The following LDB2 variants were observed in gnomAD, a reference collection of about 807,000 sequenced individuals.
LDB2 encodes LIM domain-binding protein 2.
Under a neutral mutation model 44.3 loss-of-function variants are expected in LDB2, and 12 were observed. The observed-to-expected ratio is 0.27, with a 90% CI of 0.17 to 0.44. The LOEUF (loss-of-function observed/expected upper bound fraction) is 0.44, where lower values mean the gene tolerates loss of function less well. Among genes scored for constraint, LDB2 ranks in the 20% least tolerant of loss-of-function variants. The pLI, the probability that LDB2 is intolerant of heterozygous loss-of-function variation, is 1.00. For missense variants in LDB2, 344 were observed against 473.5 expected (o/e 0.73, Z 2.54); for synonymous variants, 164 against 174.8 (o/e 0.94, Z 0.49).
chr4:16,786,551 T>G (rs1166808903), intron 1 of LDB2, among the ~76,000 whole-genome samples: 2 of 152,110 alleles, frequency 1.3e-5, no homozygotes, highest in Non-Finnish European at 2.9e-5. Context: ...TGCATAGTTT[T>G]TCAGTTTTCC....
intron 2 of LDB2, among the ~76,000 whole-genome samples, chr4:16,642,800 G>A (rs1388285508): frequency 6.6e-6 from 1 of 152,100 alleles, no homozygotes; most frequent in African/African-American, 2.4e-5. Context: ...ATGACCACGG[G>A]TAACTGCCAC....
rs183066994 is a variant in LDB2 at position 16,588,573 on chromosome 4, C to T, written c.531+137G>A. On this transcript the variant is annotated intron_variant, in intron 4 of 7. Transcript: ENST00000304523. ...GATTAAAACCGTTGAGAACAAAACT[C>T]AATATTTAGAGTTAATTACCTAAAG... The T allele has an allele frequency of 2.2e-4, 184 of 855,210 alleles. No homozygotes were observed. In the African/African-American group the frequency reaches 2.8e-3, roughly 13 times the overall value. 53.0% of individuals were successfully genotyped at this position (855,210 alleles called of 1,614,324 possible).
intron 5 of LDB2, among the ~76,000 whole-genome samples, chr4:16,583,754 A>G (rs913488978): frequency 6.6e-6 from 1 of 152,102 alleles, no homozygotes; most frequent in South Asian, 2.1e-4. Context: ...CGTCAGCCCG[A>G]AGGATTTGTG....
chr4:16,502,692 G>A lies in LDB2; in HGVS notation c.1073C>T (p.Ala358Val). 1.2e-6 allele frequency: 2 copies of A among 1,613,854 alleles called. No individual in the cohort carries two copies. Among genetic ancestry groups the A allele is most frequent in the South Asian group, 1.1e-5 (1 of 91,082 alleles). ...NNSPWNSKPPATQETKSENPP... is the reference protein window; with the variant it reads ...NNSPWNSKPPVTQETKSENPP... ...GTTTTCTGATTTGGTCTCTTGAGTG[G>A]CGGGAGGTTTACTGTTCCACGGGCT... Residue 358 changes from alanine (A) to valine (V), a missense_variant, in exon 8 of 8, where the codon GCC (alanine) becomes GTC (valine). Physicochemically the swap from Ala to Val is moderately conservative, Grantham distance 64. Coordinates refer to ENST00000304523, the MANE Select transcript of LDB2 (RefSeq NM_001290.5).
chr4:16,529,020 A>G (rs975312497), intron 5 of LDB2, among the ~76,000 whole-genome samples: 4 of 152,156 alleles, frequency 2.6e-5, no homozygotes, highest in African/African-American at 9.7e-5. Context: ...TGATGACTAT[A>G]AAACTCTTTT....
intron 2 of LDB2, among the ~76,000 whole-genome samples, chr4:16,708,620 A>G (rs186322953): frequency 2.0e-4 from 31 of 152,306 alleles, no homozygotes; most frequent in African/African-American, 7.5e-4. Flanking sequence ...CTAGACTGTT[A>G]ATATGGAGCT....
chr4:16,577,692 A>G (rs1011114996), intron 5 of LDB2, among the ~76,000 whole-genome samples: 1 of 152,170 alleles, frequency 6.6e-6, no homozygotes, highest in African/African-American at 2.4e-5. Context: ...AATACCAATG[A>G]CATTCTTCAC....
intron 1 of LDB2, among the ~76,000 whole-genome samples, chr4:16,796,599 A>G (rs2109683264): frequency 6.6e-6 from 1 of 152,212 alleles, no homozygotes; most frequent in East Asian, 1.9e-4. Context: ...GAGCCTCCCT[A>G]CCCCTTAAGC....
intron 2 of LDB2, among the ~76,000 whole-genome samples, chr4:16,728,397 A>T (rs547872529): frequency 6.6e-6 from 1 of 152,292 alleles, no homozygotes; most frequent in South Asian, 2.1e-4. Context: ...TGAGATAGCT[A>T]GATTAGCTAG....
At position 16,659,689 on chromosome 4, in the gene LDB2, A is replaced by ATATATATATATATATATATATG. The variant is rs1310756163; in HGVS notation, c.236-63815_236-63814insCATATATATATATATATATATA. On this transcript the variant is annotated intron_variant, in intron 2 of 7. Coordinates refer to ENST00000304523, the MANE Select transcript of LDB2 (RefSeq NM_001290.5). Reference sequence around the variant, plus strand: ...TATGTGTGTATATATATATATATATATATGTATGTATGTATATATGTAACA... The same window carrying ATATATATATATATATATATATG: ...TATGTGTGTATATATATATATATATATATATATATATATATATATATGTATGTATGTATGTATATATGTAACA... Among the ~76,000 whole-genome samples the ATATATATATATATATATATATG allele has an allele frequency of 5.2e-3, 736 of 140,220 alleles. 6 individuals carry two copies. The highest frequency in any genetic ancestry group is 7.8e-3 in the Non-Finnish European group (501 of 64,308). The allele number at this position is 140,220 out of a possible 152,430, so 92.0% of individuals were successfully genotyped here. A position where few individuals can be genotyped will look rare whatever the true frequency, so the allele number is the denominator to read the frequency against.
chr4:16,510,661 A>G (rs73115979), intron 6 of LDB2, among the ~76,000 whole-genome samples: 3,244 of 152,230 alleles, frequency 0.021, 109 homozygotes, highest in African/African-American at 0.074. Context: ...GTCCTCCTTC[A>G]TTTGTTAGCC....
In LDB2 at chr4:16,558,842, T is replaced by G. The variant is rs1740866517; in HGVS notation, c.615+27080A>C. Among the ~76,000 whole-genome samples the G allele has an allele frequency of 2.0e-5, 3 of 152,144 alleles. No homozygotes were observed. In the South Asian group the frequency reaches 6.2e-4, roughly 32 times the overall value. Reference sequence around the variant, plus strand: ...CGGGTTACCCACAGAGGGAAGCCCATCAGACTAACAGCAGATCTCTCGGCA... The same window carrying G: ...CGGGTTACCCACAGAGGGAAGCCCAGCAGACTAACAGCAGATCTCTCGGCA... On this transcript the variant is annotated intron_variant, in intron 5 of 7. Transcript: ENST00000304523.
chr4:16,606,650 T>A (rs1724017102), intron 2 of LDB2, among the ~76,000 whole-genome samples: 1 of 152,194 alleles, frequency 6.6e-6, no homozygotes, highest in South Asian at 2.1e-4. Flanking sequence ...CTAATTTACA[T>A]TTGACCTTTT....
chr4:16,833,459 T>C (rs1784371641), intron 1 of LDB2, among the ~76,000 whole-genome samples: 1 of 152,176 alleles, frequency 6.6e-6, no homozygotes, highest in African/African-American at 2.4e-5. Flanking sequence ...TTATTGAGTG[T>C]CAGTTGTCTT....
chr4:16,722,879 T>G (rs1343725612), intron 2 of LDB2, among the ~76,000 whole-genome samples: 1 of 152,214 alleles, frequency 6.6e-6, no homozygotes, highest in Non-Finnish European at 1.5e-5. Flanking sequence ...ATGGTTCCAC[T>G]TATGATTTTT....
chr4:16,623,594 C>T (rs1370605188), intron 2 of LDB2, among the ~76,000 whole-genome samples: 2 of 131,788 alleles, frequency 1.5e-5, no homozygotes, highest in Non-Finnish European at 3.3e-5. Flanking sequence ...AAGACTCTGT[C>T]TCAAAAATAA....
At chr4:16,557,015 T>C (rs559119767) in intron 5 of LDB2, among the ~76,000 whole-genome samples, 2 of 152,208 alleles carry the variant, frequency 1.3e-5, no homozygotes, top group South Asian at 4.1e-4. Context: ...AGAGTCATAT[T>C]AAAACTGTGG....
intron 1 of LDB2, among the ~76,000 whole-genome samples, chr4:16,820,208 C>A (rs1781681290): frequency 6.6e-6 from 1 of 152,094 alleles, no homozygotes; most frequent in African/African-American, 2.4e-5. Context: ...TTTTAAATTT[C>A]TTTTCTGATT....
chr4:16,719,961 G>T (rs573746572), intron 2 of LDB2, among the ~76,000 whole-genome samples: 6 of 152,116 alleles, frequency 3.9e-5, no homozygotes, highest in Admixed American at 3.9e-4. Flanking sequence ...AGATTCTAGA[G>T]ATTATTTTAA....
Sources: allele counts gnomAD v4.1 joint callset (sites outside exome capture counted in the v4.1 genomes callset), GRCh38; gene constraint gnomAD v4.1.1; transcripts MANE v1.5; gene names NCBI Gene and HGNC (gene_info 2026-07-23, HGNC 2026-07-21).